The following PNPLA3 variants were observed in gnomAD, a reference collection of about 807,000 sequenced individuals.
PNPLA3 encodes the protein patatin like domain 3, 1-acylglycerol-3-phosphate O-acyltransferase.
In PNPLA3, 42 loss-of-function variants were observed where a neutral mutation model predicts 43.1. The observed-to-expected ratio is 0.97, with a 90% CI of 0.76 to 1.26. The LOEUF (loss-of-function observed/expected upper bound fraction) is 1.26. Ranked by LOEUF, PNPLA3 falls within the 50% of genes most tolerant of loss-of-function variation. The pLI is 0.00. For synonymous variants in PNPLA3, 272 were observed against 253.6 expected (o/e 1.07, Z -0.69); for missense variants, 647 against 621.4 (o/e 1.04, Z -0.44).
At chr22:43,944,842 C>T in intron 8 of PNPLA3, 47 bp downstream of exon 8, 1 of 1,472,588 alleles carries the variant, frequency 6.8e-7, no homozygotes, top group Non-Finnish European at 9.5e-7. Flanking sequence ...GCACCTCTCT[C>T]ATCTGATGAG....
rs1386612536 is a variant in PNPLA3 at position 43,928,157 on chromosome 22, CTG to C, written c.421-664_421-663del. The stretch of plus-strand genomic sequence containing the variant: ...GAAGGACTCCATTTACTTGACAGAT[CTG>C]TGCAAGACAGCAGCCTGGCGCGTCT... On this transcript the variant is annotated intron_variant, in intron 2 of 8. Transcript: ENST00000216180. 3.9e-5 allele frequency among the ~76,000 whole-genome samples: 6 copies of C among 152,360 alleles called. No homozygotes were observed. In the South Asian group the frequency reaches 1.2e-3, roughly 32 times the overall value.
intron 8 of PNPLA3, among the ~76,000 whole-genome samples, chr22:43,945,324 G>C (rs539116413): frequency 1.3e-5 from 2 of 152,118 alleles, no homozygotes; most frequent in African/African-American, 4.8e-5. Context: ...AGCAGTCTGC[G>C]TTGACAGGCC....
intron 6 of PNPLA3, chr22:43,939,557 G>A (rs1054015528): frequency 1.1e-5 from 4 of 355,580 alleles, no homozygotes; most frequent in Non-Finnish European, 1.6e-5. Context: ...GCTTACACCT[G>A]TAATCCTAGC....
rs762190307 is a variant in PNPLA3 at position 43,923,956 on chromosome 22, C to T, written c.45C>T (p.Cys15=). The change falls in exon 1 of 9, where the codon TGC becomes TGT. Residue 15 remains cysteine (C), a synonymous_variant. Coordinates refer to ENST00000216180, the MANE Select transcript of PNPLA3 (RefSeq NM_025225.3). ...GCTGGAGCTTGTCCTTCGCGGGCTG[C>T]GGCTTCCTGGGCTTCTACCACGTCG... is the stretch of plus-strand genomic sequence containing the variant. ...ERGWSLSFAG[C]GFLGFYHVGA... 1.3e-6 allele frequency: 2 copies of T among 1,581,632 alleles called. No individual in the cohort carries two copies. Among genetic ancestry groups the T allele is most frequent in the Non-Finnish European group, 1.7e-6 (2 of 1,172,452 alleles).
intron 2 of PNPLA3, among the ~76,000 whole-genome samples, chr22:43,928,465 C>T (rs1203614749): frequency 1.3e-5 from 2 of 152,064 alleles, no homozygotes; most frequent in South Asian, 2.1e-4. Context: ...ACAGGCTCTC[C>T]GGTGATGCTA....
intron 6 of PNPLA3, chr22:43,939,314 A>G (rs1188093231): frequency 2.3e-6 from 2 of 869,064 alleles, no homozygotes; most frequent in African/African-American, 3.7e-5. Context: ...TGACTTACAC[A>G]CCATTTTCTA....
In PNPLA3 at chr22:43,946,801, T is replaced by C. The variant is rs1355554715; in HGVS notation, c.*419T>C. ...AGGGAAGAGAATAGCATGATCCCAC[T>C]TCCCCATGCTGTGGGAAGGGGTGCA... is the stretch of plus-strand genomic sequence containing the variant. On this transcript the variant is annotated 3_prime_UTR_variant, in exon 9 of 9. Coordinates refer to ENST00000216180, the MANE Select transcript of PNPLA3 (RefSeq NM_025225.3). The C allele has an allele frequency of 2.0e-6, 1 of 511,422 alleles. No homozygotes were observed. The highest frequency in any genetic ancestry group is 3.9e-6 in the Non-Finnish European group (1 of 256,714). 31.7% of individuals were successfully genotyped at this position (511,422 alleles called of 1,614,324 possible). A position where few individuals can be genotyped will look rare whatever the true frequency, so the allele number is the denominator to read the frequency against.
At chr22:43,938,605 A>C (rs1171621585) in intron 6 of PNPLA3, among the ~76,000 whole-genome samples, 1 of 152,338 alleles carries the variant, frequency 6.6e-6, no homozygotes, top group East Asian at 1.9e-4. Context: ...ATGAGAACAC[A>C]TTCACTATCA....
chr22:43,938,672 C>T (rs758135805), intron 6 of PNPLA3, among the ~76,000 whole-genome samples: 1 of 152,256 alleles, frequency 6.6e-6, no homozygotes, highest in Non-Finnish European at 1.5e-5. Context: ...TCCCATCAGG[C>T]TCCGCCTCCA....
At chr22:43,924,928 G>A (rs1232496308) in intron 1 of PNPLA3, among the ~76,000 whole-genome samples, 1 of 152,092 alleles carries the variant, frequency 6.6e-6, no homozygotes, top group African/African-American at 2.4e-5. Context: ...GGTTACAGGC[G>A]TGAGCCACTG....
rs760581974 is a variant in PNPLA3, at chr22:43,946,271, C to A, written c.1335C>A (p.Thr445=). The part of the protein sequence containing the change: ...GCPAETKAEA[T]PRSILRSSLN... ...CAGCAGAGACCAAAGCAGAGGCCAC[C>A]CCGCGGTCCATCCTCAGGTCCAGCC... The change falls in exon 9 of 9, where the codon ACC becomes ACA. Residue 445 remains threonine, a synonymous_variant. Transcript: ENST00000216180. The A allele has an allele frequency of 3.7e-6, 6 of 1,614,176 alleles. No individual in the cohort carries two copies. Among genetic ancestry groups the A allele is most frequent in the Non-Finnish European group, 5.1e-6 (6 of 1,180,032 alleles).
intron 6 of PNPLA3, among the ~76,000 whole-genome samples, chr22:43,938,804 C>T (rs942676556): frequency 7.2e-5 from 11 of 152,242 alleles, no homozygotes; most frequent in African/African-American, 2.4e-4. Context: ...AAGACTGGGG[C>T]TCCAGGAAGA....
chr22:43,942,526 T>A (rs949612767), intron 7 of PNPLA3, among the ~76,000 whole-genome samples: 2 of 152,070 alleles, frequency 1.3e-5, no homozygotes, highest in African/African-American at 4.8e-5. Flanking sequence ...TAGGACTGTC[T>A]TTTTATCCCT....
rs41278873 is a variant in PNPLA3, at chr22:43,946,811, T to C, written c.*429T>C. 24,613 of 503,318 alleles carry C rather than the reference T, an allele frequency of 0.049. 822 individuals are homozygous for C. The highest frequency in any genetic ancestry group is 0.099 in the Middle Eastern group (302 of 3,062). 31.2% of individuals were successfully genotyped at this position (503,318 alleles called of 1,614,324 possible). A position where few individuals can be genotyped will look rare whatever the true frequency, so the allele number is the denominator to read the frequency against. On this transcript the variant is annotated 3_prime_UTR_variant, in exon 9 of 9. Coordinates refer to ENST00000216180, the MANE Select transcript of PNPLA3 (RefSeq NM_025225.3). ...ATAGCATGATCCCACTTCCCCATGC[T>C]GTGGGAAGGGGTGCAGTTCGTCCCC...
chr22:43,942,630 T>C (rs1016694955), intron 7 of PNPLA3, among the ~76,000 whole-genome samples: 7 of 152,096 alleles, frequency 4.6e-5, no homozygotes, highest in Non-Finnish European at 8.8e-5. Flanking sequence ...AAGCCTTCTG[T>C]CATTCTCCAG....
chr22:43,931,735 C>T (rs368091646), intron 3 of PNPLA3, among the ~76,000 whole-genome samples: 32 of 152,272 alleles, frequency 2.1e-4, no homozygotes, highest in Non-Finnish European at 4.0e-4. Flanking sequence ...AGGCTGGTCT[C>T]GAACTCCTGG....
intron 4 of PNPLA3, 133 bp from the exon 5 acceptor site, chr22:43,934,473 G>A (rs979981496): frequency 2.4e-6 from 2 of 831,248 alleles, no homozygotes; most frequent in African/African-American, 3.4e-5. Context: ...GCCCCCAGGT[G>A]GCTCAGTGCC....
chr22:43,925,798 A>G (rs1440271489), intron 1 of PNPLA3, among the ~76,000 whole-genome samples: 1 of 152,216 alleles, frequency 6.6e-6, no homozygotes. Context: ...TTTGTATCCC[A>G]AGGTGGCCTG....
intron 5 of PNPLA3, among the ~76,000 whole-genome samples, chr22:43,935,968 T>C (rs1297127443): frequency 2.6e-5 from 4 of 151,958 alleles, no homozygotes; most frequent in African/African-American, 9.7e-5. Context: ...GCGAGGGTCA[T>C]GAGGAGGAAA....
Sources: gnomAD v4.1 joint callset for allele counts (sites outside exome capture counted in the v4.1 genomes callset) on GRCh38, gnomAD v4.1.1 for gene constraint, MANE v1.5 for transcripts, NCBI Gene and HGNC (gene_info 2026-07-23, HGNC 2026-07-21) for gene names.